Variants in PDE4D observed in about 807,000 individuals in gnomAD.
The protein encoded by PDE4D is 3',5'-cyclic-AMP phosphodiesterase 4D.
Under a neutral mutation model 87.4 loss-of-function variants are expected in PDE4D, and 24 were observed. The observed-to-expected ratio is 0.27, with a 90% CI of 0.20 to 0.39. PDE4D has a LOEUF of 0.39. Among genes scored for constraint, PDE4D ranks in the 10% least tolerant of loss-of-function variants. The pLI is 1.00. For missense variants in PDE4D, 714 were observed against 1,041.0 expected (o/e 0.69, Z 4.32); for synonymous variants, 384 against 383.2 (o/e 1.00, Z -0.02).
At chr5:60,473,947 T>C (rs1748064330) in intron 1 of PDE4D, among the ~76,000 whole-genome samples, 1 of 146,678 alleles carries the variant, frequency 6.8e-6, no homozygotes, top group African/African-American at 2.5e-5. Flanking sequence ...CTTTTTTTCC[T>C]AAAGATAAGC....
At chr5:59,694,290 T>C (rs775438828) in intron 1 of PDE4D, among the ~76,000 whole-genome samples, 1 of 152,132 alleles carries the variant, frequency 6.6e-6, no homozygotes, top group Non-Finnish European at 1.5e-5. Flanking sequence ...GAAGAATGAG[T>C]TATACACCAG....
At chr5:59,047,735 G>A (rs1358334112) in intron 5 of PDE4D, among the ~76,000 whole-genome samples, 6 of 152,354 alleles carry the variant, frequency 3.9e-5, no homozygotes, top group Admixed American at 2.0e-4. Context: ...TTCATATGCT[G>A]AAATCTAATC....
At chr5:59,180,859 C>T (rs939771607) in intron 4 of PDE4D, among the ~76,000 whole-genome samples, 4 of 152,160 alleles carry the variant, frequency 2.6e-5, no homozygotes, top group Non-Finnish European at 5.9e-5. Context: ...TGGTAAATCT[C>T]ACAGTGATTG....
At chr5:60,287,898 C>G (rs1400591023) in intron 1 of PDE4D, among the ~76,000 whole-genome samples, 1 of 152,178 alleles carries the variant, frequency 6.6e-6, no homozygotes, top group African/African-American at 2.4e-5. Context: ...AGGGAGGTAC[C>G]TGATGCTAAC....
chr5:59,228,356 C>T (rs145781399), intron 1 of PDE4D, among the ~76,000 whole-genome samples: 270 of 151,714 alleles, frequency 1.8e-3, no homozygotes, highest in African/African-American at 5.0e-3. Context: ...ACCAAACCCC[C>T]GGGGTCACAA....
At chr5:59,727,909 A>C in intron 1 of PDE4D, among the ~76,000 whole-genome samples, 1 of 152,116 alleles carries the variant, frequency 6.6e-6, no homozygotes, top group East Asian at 1.9e-4. Flanking sequence ...ATAAGAAGGA[A>C]CAGCAACTTG....
rs115187444 is a variant in PDE4D, at chr5:60,302,924, G to A, written c.-89-117237C>T. Reference sequence around the variant, plus strand: ...CGCTCACTCCAACCTCCGCCTCTCAGGTTCAAGAGATTGTCCTGCCTCAGG... The same window carrying A: ...CGCTCACTCCAACCTCCGCCTCTCAAGTTCAAGAGATTGTCCTGCCTCAGG... On this transcript the variant is annotated intron_variant, in intron 1 of 16. Transcript: ENST00000502484. 5.4e-3 allele frequency among the ~76,000 whole-genome samples: 817 copies of A among 152,240 alleles called. 7 individuals are homozygous for A. The highest frequency in any genetic ancestry group is 0.019 in the African/African-American group (774 of 41,530).
chr5:59,383,276 T>A (rs1223449109), intron 1 of PDE4D, among the ~76,000 whole-genome samples: 1 of 151,502 alleles, frequency 6.6e-6, no homozygotes, highest in Non-Finnish European at 1.5e-5. Context: ...CTCACTTATG[T>A]CCCCTCACTG....
chr5:59,668,222 T>C (rs1173751204), intron 1 of PDE4D, among the ~76,000 whole-genome samples: 3 of 152,194 alleles, frequency 2.0e-5, no homozygotes, highest in Non-Finnish European at 2.9e-5. Flanking sequence ...TATCATAGAA[T>C]AATTAAAATG....
chr5:59,293,470 G>T (rs1206162561), intron 1 of PDE4D, among the ~76,000 whole-genome samples: 1 of 152,084 alleles, frequency 6.6e-6, no homozygotes, highest in East Asian at 1.9e-4. Context: ...ATGAAAAGAA[G>T]ATTTCAGCCC....
At chr5:59,361,019 A>G (rs1442755170) in intron 1 of PDE4D, among the ~76,000 whole-genome samples, 1 of 152,178 alleles carries the variant, frequency 6.6e-6, no homozygotes, top group East Asian at 1.9e-4. Flanking sequence ...TTGTGAATCA[A>G]AATGTTTTAC....
chr5:59,164,229 T>C (rs543518865), intron 5 of PDE4D, among the ~76,000 whole-genome samples: 3 of 152,250 alleles, frequency 2.0e-5, no homozygotes, highest in South Asian at 2.1e-4. Flanking sequence ...ACACAGACAA[T>C]AAAGACAAGT....
chr5:60,475,780 G>C (rs888967953), intron 1 of PDE4D, among the ~76,000 whole-genome samples: 5 of 132,366 alleles, frequency 3.8e-5, no homozygotes, highest in African/African-American at 1.4e-4. Flanking sequence ...CCTAAAACAA[G>C]CTATTTATTC....
At chr5:59,937,993 G>A (rs1046457449) in intron 3 of PDE4D, among the ~76,000 whole-genome samples, 1 of 152,134 alleles carries the variant, frequency 6.6e-6, no homozygotes, top group Admixed American at 6.6e-5. Flanking sequence ...GTTTAACAAC[G>A]TGCTTTTATT....
intron 1 of PDE4D, among the ~76,000 whole-genome samples, chr5:59,648,008 G>A (rs1320890566): frequency 6.6e-6 from 1 of 152,116 alleles, no homozygotes; most frequent in Non-Finnish European, 1.5e-5. Context: ...CAAATTCTCT[G>A]TGTGATTATG....
intron 2 of PDE4D, among the ~76,000 whole-genome samples, chr5:60,108,590 C>T (rs34065204): frequency 0.14 from 21,116 of 151,980 alleles, 1,507 homozygotes; most frequent in Middle Eastern, 0.23. Context: ...GGAGGCATCA[C>T]GCTACCTGAC....
At chr5:59,900,812 G>A (rs1199142165) in intron 3 of PDE4D, among the ~76,000 whole-genome samples, 1 of 152,156 alleles carries the variant, frequency 6.6e-6, no homozygotes, top group Non-Finnish European at 1.5e-5. Context: ...AAGAGATCAT[G>A]AAAGAGCTTG....
chr5:60,278,019 G>C (rs1157371023), intron 1 of PDE4D, among the ~76,000 whole-genome samples: 2 of 152,146 alleles, frequency 1.3e-5, no homozygotes, highest in Non-Finnish European at 2.9e-5. Context: ...TGCTTACCAT[G>C]TTCTTTTGTC....
rs150092896 is a variant in PDE4D at position 59,370,336 on chromosome 5, G to A, written c.456-154368C>T. ...TCAAAAGCCCTCTCCTCTCTTTATG[G>A]CCTCCTTTTCTATTCTCTTTCTTGC... On this transcript the variant is annotated intron_variant, in intron 1 of 14. Transcript: ENST00000340635. Among the ~76,000 whole-genome samples the A allele has an allele frequency of 2.5e-3, 376 of 151,956 alleles. 1 individual carries two copies. Among genetic ancestry groups the A allele is most frequent in the African/African-American group, 8.6e-3 (356 of 41,424 alleles).
Sources: gnomAD v4.1 joint callset for allele counts (sites outside exome capture counted in the v4.1 genomes callset) on GRCh38, gnomAD v4.1.1 for gene constraint, MANE v1.5 for transcripts, NCBI Gene and HGNC (gene_info 2026-07-23, HGNC 2026-07-21) for gene names.